The following CILP variants were observed in gnomAD, a reference collection of about 807,000 sequenced individuals.
CILP encodes cartilage intermediate layer protein.
CILP carries 75 observed loss-of-function variants against 82.5 expected under a neutral mutation model. That is an observed-to-expected ratio of 0.91 (90% confidence interval 0.75 to 1.10). The LOEUF (loss-of-function observed/expected upper bound fraction) is 1.10. Ranked by LOEUF, CILP falls within the 50% of genes least tolerant of loss-of-function variation. The pLI is 0.00. For missense variants in CILP, 1,479 were observed against 1,530.8 expected (o/e 0.97, Z 0.56); for synonymous variants, 530 against 580.3 (o/e 0.91, Z 1.25).
intron 5 of CILP, 111 bp from the exon 6 acceptor site, chr15:65,204,693 G>C: frequency 9.3e-7 from 1 of 1,080,376 alleles, no homozygotes; most frequent in Non-Finnish European, 1.3e-6. Flanking sequence ...TCCCTTATCA[G>C]CCTGCATGAC....
intron 8 of CILP, 134 bp from the exon 9 acceptor site, chr15:65,199,233 C>T: frequency 1.5e-6 from 1 of 654,196 alleles, no homozygotes; most frequent in Non-Finnish European, 2.6e-6. Context: ...TCTCACAGAA[C>T]TCTCTGAGAG....
intron 6 of CILP, 30 bp from the exon 7 acceptor site, chr15:65,203,500 G>A (rs1408633667): frequency 6.4e-7 from 1 of 1,560,354 alleles, no homozygotes; most frequent in South Asian, 1.1e-5. Context: ...ATAGCATTTT[G>A]GGTTTTTGTG....
chr15:65,208,647 G>A (rs532170307), intron 2 of CILP, among the ~76,000 whole-genome samples: 62 of 152,238 alleles, frequency 4.1e-4, no homozygotes, highest in African/African-American at 1.4e-3. Context: ...CAGGGTCCTC[G>A]GGCCACAAGC....
At position 65,204,513 on chromosome 15, in the gene CILP, A is replaced by T. The variant is rs1048567222; in HGVS notation, c.674T>A (p.Met225Lys). The T allele has an allele frequency of 8.7e-6, 14 of 1,613,866 alleles. No individual in the cohort carries two copies. The highest frequency in any genetic ancestry group is 1.2e-5 in the Non-Finnish European group (14 of 1,179,936). Residue 225 changes from methionine to lysine, a missense_variant, in exon 6 of 9, where the codon ATG (methionine) becomes AAG (lysine). Coordinates refer to ENST00000261883, the MANE Select transcript of CILP (RefSeq NM_003613.4). ...DCDACMCQDF[M>K]LHGAVSLPGG... ...GGGAAGGGAGACAGCCCCATGAAGC[A>T]TGAAGTCCTGGCACATGCAGGCATC...
rs570763642 is a variant in CILP, at chr15:65,204,323, T to C, written c.864A>G (p.Thr288=). Residue 288 remains threonine (T), a synonymous_variant, in exon 6 of 9, where the codon ACA becomes ACG. Coordinates refer to ENST00000261883, the MANE Select transcript of CILP (RefSeq NM_003613.4). ...TKVKFAPIVL[T]MPKTSLKAAT... is the part of the protein sequence containing the mutation. ...CTGCCTTCAGGCTAGTCTTGGGCATTGTGAGTACAATGGGGGCAAACTTGA... is the reference window on the plus strand; with the variant it reads ...CTGCCTTCAGGCTAGTCTTGGGCATCGTGAGTACAATGGGGGCAAACTTGA... The C allele has an allele frequency of 3.7e-6, 6 of 1,614,138 alleles. No homozygotes were observed. Among genetic ancestry groups the C allele is most frequent in the African/African-American group, 1.3e-5 (1 of 75,048 alleles).
Position 65,197,874 on chromosome 15 carries a change from G to A in CILP, c.2412C>T (p.Asn804=), listed in dbSNP as rs376976767. 5.3e-5 allele frequency: 85 copies of A among 1,613,456 alleles called. No individual in the cohort carries two copies. The highest frequency in any genetic ancestry group is 2.2e-4 in the Admixed American group (13 of 59,844). Residue 804 remains asparagine, a synonymous_variant, in exon 9 of 9, where the codon AAC becomes AAT. Coordinates refer to ENST00000261883, the MANE Select transcript of CILP (RefSeq NM_003613.4). ...CACAGAAGGCAGGCACACAGGCCCC[G>A]TTGGGGCCTGTGATGACACTGTCAA... The part of the protein sequence containing the change: ...GRFDSVITGP[N]GACVPAFCDD...
intron 7 of CILP, among the ~76,000 whole-genome samples, chr15:65,202,922 G>A (rs1228889944): frequency 2.8e-5 from 4 of 142,086 alleles, no homozygotes; most frequent in South Asian, 2.3e-4. Context: ...TGCAACCTCC[G>A]CCTCCTGGAC....
rs764935261 is a variant in CILP at position 65,198,692 on chromosome 15, G to A, written c.1594C>T (p.Gln532Ter). 4.3e-5 allele frequency: 69 copies of A among 1,614,086 alleles called. 1 individual carries two copies. In the Middle Eastern group the frequency reaches 6.6e-4, roughly 15 times the overall value. ...YKGTFTLHVP[Q>*]DTERLVLTFV... ...GTGAGCACCAGCCTCTCAGTGTCCT[G>A]GGGGACATGGAGGGTGAAAGTGCCC... Residue 532 changes from glutamine to a stop codon, truncating the protein, a stop_gained, in exon 9 of 9, where the codon CAG becomes TAG. Coordinates refer to ENST00000261883, the MANE Select transcript of CILP (RefSeq NM_003613.4). LOFTEE classifies it high-confidence loss of function.
Position 65,198,608 on chromosome 15 carries a change from T to A in CILP, c.1678A>T (p.Lys560Ter). 6.2e-7 allele frequency: 1 copy of A among 1,614,238 alleles called. No individual in the cohort carries two copies. Among genetic ancestry groups the A allele is most frequent in the South Asian group, 1.1e-5 (1 of 91,080 alleles). Residue 560 changes from lysine (K) to a stop codon, truncating the protein, a stop_gained, in exon 9 of 9, where the codon AAG becomes TAG. Transcript: ENST00000261883. LOFTEE classifies it high-confidence loss of function. The part of the protein sequence containing the change: ...NTTKVLPFNK[K>*]GSAVFHEIKM... ...ATTTCATGGAACACGGCACTCCCCT[T>A]CTTGTTGAAAGGTAGCACTTTGGTG...
At chr15:65,205,574 A>G in intron 4 of CILP, 108 bp from the exon 5 acceptor site, 1 of 1,036,982 alleles carries the variant, frequency 9.6e-7, no homozygotes, top group Non-Finnish European at 1.4e-6. Context: ...GTTTCCATTT[A>G]TGTCGTAGAT....
At position 65,207,027 on chromosome 15, in the gene CILP, A is replaced by AAC; in HGVS notation, c.177_178dup (p.Phe60CysfsTer34). The AAC allele has an allele frequency of 6.2e-7, 1 of 1,613,698 alleles. No individual in the cohort carries two copies. The highest frequency in any genetic ancestry group is 8.5e-7 in the Non-Finnish European group (1 of 1,179,976). ...CTTCCCGCCTGGGTAGTCGATGTTG[A>AAC]ACCATGTTGTCCACTCACCAGGGCC... is the stretch of plus-strand genomic sequence containing the variant. On this transcript the variant is annotated frameshift_variant, in exon 4 of 9. Coordinates refer to ENST00000261883, the MANE Select transcript of CILP (RefSeq NM_003613.4). LOFTEE classifies it high-confidence loss of function.
At chr15:65,211,228 G>A (rs921234241) in intron 1 of CILP, among the ~76,000 whole-genome samples, 200 bp downstream of exon 1, 18 of 152,106 alleles carry the variant, frequency 1.2e-4, no homozygotes, top group African/African-American at 4.3e-4. Flanking sequence ...AGGTGGGGGA[G>A]GGAGAGGACT....
At chr15:65,199,859 A>G (rs1220991005) in intron 8 of CILP, among the ~76,000 whole-genome samples, 1 of 152,246 alleles carries the variant, frequency 6.6e-6, no homozygotes, top group African/African-American at 2.4e-5. Flanking sequence ...TATCTTTTAC[A>G]TGGCTTTAAC....
chr15:65,204,565 G>C lies in CILP; in HGVS notation c.622C>G (p.Pro208Ala), dbSNP rs1230144987. The C allele has an allele frequency of 1.6e-5, 26 of 1,607,470 alleles. No homozygotes were observed. The highest frequency in any genetic ancestry group is 1.5e-4 in the African/African-American group (11 of 74,542). Residue 208 changes from proline to alanine, a missense_variant, in exon 6 of 9, where the codon CCA becomes GCA. Physicochemically the swap from Pro to Ala is conservative, Grantham distance 27. Transcript: ENST00000261883. The stretch of plus-strand genomic sequence containing the variant: ...CAGTCAGCATTCACCTGGCCCATTG[G>C]GCAGGTCAGGTCACAGGCTGTGGAA... ...QDCTACDLTC[P>A]MGQVNADCDA...
chr15:65,198,874 G>T lies in CILP; in HGVS notation c.1412C>A (p.Thr471Lys), dbSNP rs867716353. 3 of 1,613,924 alleles carry T rather than the reference G, an allele frequency of 1.9e-6. No individual in the cohort carries two copies. Among genetic ancestry groups the T allele is most frequent in the South Asian group, 2.2e-5 (2 of 91,088 alleles). ...CTCCTTGGCCACCTTGGTGGGTAGC[G>T]TGTAGCCACTGCACTGGATCTCCCT... ...EEREIQCSGYTLPTKVAKECS... is the reference protein window; with the variant it reads ...EEREIQCSGYKLPTKVAKECS... The change falls in exon 9 of 9, where the codon ACG becomes AAG. Residue 471 changes from threonine to lysine, a missense_variant. By Grantham distance (78) the Thr-to-Lys change is moderately conservative (BLOSUM62 -1). Coordinates refer to ENST00000261883, the MANE Select transcript of CILP (RefSeq NM_003613.4).
chr15:65,200,631 C>T (rs2088437952), intron 8 of CILP, among the ~76,000 whole-genome samples: 2 of 151,924 alleles, frequency 1.3e-5, no homozygotes. Flanking sequence ...TATCTTTACC[C>T]ATGCTGGCCC....
At position 65,197,199 on chromosome 15, in the gene CILP, G is replaced by A. The variant is rs776347761; in HGVS notation, c.3087C>T (p.Pro1029=). The A allele has an allele frequency of 5.6e-6, 9 of 1,613,988 alleles. No homozygotes were observed. The South Asian group carries it at 8.8e-5, about 16-fold the overall frequency. Residue 1029 remains proline (P), a synonymous_variant, in exon 9 of 9, where the codon CCC becomes CCT. Coordinates refer to ENST00000261883, the MANE Select transcript of CILP (RefSeq NM_003613.4). ...RVDRTLVKVI[P]QGSCRRASVN... is the part of the protein sequence containing the mutation. ...CACTGGCTCGACGGCAGCTGCCCTG[G>A]GGGATGACCTTCACCAGGGTGCGGT...
intron 8 of CILP, among the ~76,000 whole-genome samples, chr15:65,201,444 C>T (rs1475802474): frequency 6.6e-6 from 1 of 152,074 alleles, no homozygotes; most frequent in Non-Finnish European, 1.5e-5. Context: ...ACAGAAAAGC[C>T]TGAGCTTGGC....
chr15:65,204,999 A>G lies in CILP; in HGVS notation c.604+288T>C, dbSNP rs113174640. 5.7e-3 allele frequency among the ~76,000 whole-genome samples: 862 copies of G among 152,282 alleles called. 4 individuals carry two copies. Among genetic ancestry groups the G allele is most frequent in the East Asian group, 0.011 (57 of 5,182 alleles). The stretch of plus-strand genomic sequence containing the variant: ...GCGCCATTGCACTCCAGCCTGGGCA[A>G]TGGAGCAAGACTCTGTCTCAAAACA... On this transcript the variant is annotated intron_variant, in intron 5 of 8. Coordinates refer to ENST00000261883, the MANE Select transcript of CILP (RefSeq NM_003613.4).
Sources: allele counts gnomAD v4.1 joint callset (sites outside exome capture counted in the v4.1 genomes callset), GRCh38; gene constraint gnomAD v4.1.1; transcripts MANE v1.5; gene names NCBI Gene and HGNC (gene_info 2026-07-23, HGNC 2026-07-21).